Variants in WWC2 observed in about 807,000 individuals in gnomAD.
WWC2 encodes the protein protein WWC2.
In WWC2, 101 loss-of-function variants were observed where a neutral mutation model predicts 138.5. The observed-to-expected ratio is 0.73, with a 90% confidence interval of 0.62 to 0.86. The LOEUF (loss-of-function observed/expected upper bound fraction) is 0.86, where lower values mean the gene tolerates loss of function less well. Among genes scored for constraint, WWC2 ranks in the 40% least tolerant of loss-of-function variants. The probability of loss-of-function intolerance (pLI) is 0.00; values close to 1 mark genes in which losing one functional copy is unlikely to be tolerated. For missense variants in WWC2, 1,420 were observed against 1,419.4 expected (o/e 1.00, Z -0.01); for synonymous variants, 558 against 538.4 (o/e 1.04, Z -0.50).
chr4:183,260,404 A>G (rs950632373), intron 10 of WWC2, among the ~76,000 whole-genome samples: 1 of 152,250 alleles, frequency 6.6e-6, no homozygotes. Flanking sequence ...ACGAAGAAGC[A>G]TAGACATGGT....
rs1739521961 is a variant in WWC2, at chr4:183,318,581, A to G, written c.*2852A>G. The G allele has an allele frequency of 1.3e-5, 2 of 152,394 alleles. No homozygotes were observed. The highest frequency in any genetic ancestry group is 1.3e-4 in the Admixed American group (2 of 15,272). 9.4% of individuals were successfully genotyped at this position (152,394 alleles called of 1,614,324 possible). A position where few individuals can be genotyped will look rare whatever the true frequency, so the allele number is the denominator to read the frequency against. ...TGTTCAGTTTATTTCCCTGATTGGC[A>G]CAAACACAAGAGTTTCCTTGAACCA... On this transcript the variant is annotated 3_prime_UTR_variant, in exon 23 of 23. Transcript: ENST00000403733.
intron 21 of WWC2, among the ~76,000 whole-genome samples, chr4:183,309,562 AAC>A (rs1477925616): frequency 6.6e-6 from 1 of 152,252 alleles, no homozygotes; most frequent in Non-Finnish European, 1.5e-5. Flanking sequence ...CAAGATGCAA[AAC>A]ACAGACAACA....
At chr4:183,266,385 A>G (rs549436784) in intron 14 of WWC2, among the ~76,000 whole-genome samples, 4 of 152,208 alleles carry the variant, frequency 2.6e-5, no homozygotes, top group African/African-American at 4.8e-5. Flanking sequence ...ATGTAAGAGT[A>G]TGTTTTTATC....
chr4:183,319,380 A>G lies in WWC2; in HGVS notation c.*3651A>G, dbSNP rs1400392493. On this transcript the variant is annotated 3_prime_UTR_variant, in exon 23 of 23. Transcript: ENST00000403733. ...TTCAGTCTTGATTGATTTTGGTCTC[A>G]GACTAGAAGATAAAAATGGTTTACC... is the stretch of plus-strand genomic sequence containing the variant. The G allele has an allele frequency of 2.9e-6, 2 of 699,508 alleles. No individual in the cohort carries two copies. The highest frequency in any genetic ancestry group is 4.7e-6 in the Non-Finnish European group (2 of 421,292). 43.3% of individuals were successfully genotyped at this position (699,508 alleles called of 1,614,324 possible).
At chr4:183,244,544 A>G (rs1736712909) in intron 5 of WWC2, among the ~76,000 whole-genome samples, 1 of 152,084 alleles carries the variant, frequency 6.6e-6, no homozygotes, top group Admixed American at 6.5e-5. Flanking sequence ...CTTGACTCAT[A>G]ACTTTCATAA....
At chr4:183,315,077 G>T (rs991300740) in intron 22 of WWC2, among the ~76,000 whole-genome samples, 2 of 152,188 alleles carry the variant, frequency 1.3e-5, no homozygotes, top group Non-Finnish European at 2.9e-5. Flanking sequence ...GGAAATAGAC[G>T]CACTGTTTGT....
At chr4:183,223,164 A>G (rs1735978550) in intron 4 of WWC2, among the ~76,000 whole-genome samples, 1 of 152,226 alleles carries the variant, frequency 6.6e-6, no homozygotes, top group Non-Finnish European at 1.5e-5. Flanking sequence ...GTACAGTAAC[A>G]TGCTGTACAG....
At chr4:183,254,076 T>G in intron 9 of WWC2, 77 bp downstream of exon 9, 1 of 1,537,286 alleles carries the variant, frequency 6.5e-7, no homozygotes, top group Non-Finnish European at 8.7e-7. Context: ...TCCCTGGGTT[T>G]GGAAATCTCA....
intron 2 of WWC2, among the ~76,000 whole-genome samples, chr4:183,206,675 G>A (rs1365731823): frequency 1.3e-5 from 2 of 152,066 alleles, no homozygotes; most frequent in East Asian, 1.9e-4. Flanking sequence ...ACTGGCAAAT[G>A]GCCACTCTCC....
chr4:183,268,447 A>G (rs989949363), intron 14 of WWC2, among the ~76,000 whole-genome samples: 1 of 152,168 alleles, frequency 6.6e-6, no homozygotes, highest in African/African-American at 2.4e-5. Context: ...CCGTTGTTTC[A>G]TCTGTTTTAA....
intron 1 of WWC2, among the ~76,000 whole-genome samples, chr4:183,144,569 A>T (rs1436142660): frequency 1.3e-5 from 2 of 152,190 alleles, no homozygotes; most frequent in Non-Finnish European, 2.9e-5. Context: ...CTAAATCGTT[A>T]TTTTGAAGAT....
intron 1 of WWC2, among the ~76,000 whole-genome samples, chr4:183,151,806 A>C (rs557324383): frequency 9.8e-5 from 15 of 152,292 alleles, no homozygotes; most frequent in East Asian, 1.9e-4. Flanking sequence ...AATCCTTTCA[A>C]CATTTCTTGT....
chr4:183,298,410 A>G (rs755012489), intron 21 of WWC2, among the ~76,000 whole-genome samples: 2 of 152,040 alleles, frequency 1.3e-5, no homozygotes, highest in Non-Finnish European at 2.9e-5. Flanking sequence ...GGAAAGAGCC[A>G]TTGGTATACA....
intron 17 of WWC2, 176 bp downstream of exon 17, chr4:183,281,073 G>C: frequency 2.4e-6 from 2 of 849,128 alleles, no homozygotes; most frequent in Non-Finnish European, 3.3e-6. Flanking sequence ...GGAAGTAATG[G>C]CAAGATTATG....
intron 17 of WWC2, 89 bp from the exon 18 acceptor site, chr4:183,282,619 T>C: frequency 3.1e-6 from 4 of 1,304,008 alleles, no homozygotes; most frequent in Non-Finnish European, 4.3e-6. Flanking sequence ...AGTCTGTTTA[T>C]TTCCCAGATA....
intron 1 of WWC2, among the ~76,000 whole-genome samples, chr4:183,140,663 TA>T (rs1450513984): frequency 6.6e-6 from 1 of 152,226 alleles, no homozygotes; most frequent in Non-Finnish European, 1.5e-5. Flanking sequence ...GCATTATTTT[TA>T]ATAAGCAGAA....
intron 8 of WWC2, among the ~76,000 whole-genome samples, chr4:183,251,701 G>T (rs1371923335): frequency 1.3e-5 from 2 of 152,148 alleles, no homozygotes; most frequent in East Asian, 1.9e-4. Flanking sequence ...TTCAGACATT[G>T]GTTCTTTCCC....
At chr4:183,116,565 G>A (rs1732416409) in intron 1 of WWC2, among the ~76,000 whole-genome samples, 1 of 152,306 alleles carries the variant, frequency 6.6e-6, no homozygotes, top group South Asian at 2.1e-4. Flanking sequence ...TACTGCCTTC[G>A]ATTCCTGCTA....
intron 1 of WWC2, among the ~76,000 whole-genome samples, chr4:183,152,009 G>A (rs1733647893): frequency 6.6e-6 from 1 of 152,148 alleles, no homozygotes; most frequent in Admixed American, 6.5e-5. Context: ...CTAGAATTGG[G>A]ATTTGTTAAC....
Sources: gnomAD v4.1 joint callset for allele counts (sites outside exome capture counted in the v4.1 genomes callset) on GRCh38, gnomAD v4.1.1 for gene constraint, MANE v1.5 for transcripts, NCBI Gene and HGNC (gene_info 2026-07-23, HGNC 2026-07-21) for gene names.